The following NEK11 variants were observed in gnomAD, a reference collection of about 807,000 sequenced individuals.
NEK11 encodes the protein NIMA related kinase 11.
Under a neutral mutation model 80.7 loss-of-function variants are expected in NEK11, and 72 were observed. The observed-to-expected ratio is 0.89, with a 90% CI of 0.74 to 1.08. The LOEUF (loss-of-function observed/expected upper bound fraction) is 1.08, where lower values mean the gene tolerates loss of function less well. Ranked by LOEUF, NEK11 falls within the 50% of genes least tolerant of loss-of-function variation. NEK11 has a pLI of 0.00. For missense variants in NEK11, 764 were observed against 763.6 expected (o/e 1.00, Z -0.01); for synonymous variants, 251 against 260.7 (o/e 0.96, Z 0.36).
intron 17 of NEK11, among the ~76,000 whole-genome samples, chr3:131,331,643 G>A (rs1053913511): frequency 6.6e-5 from 10 of 152,230 alleles, no homozygotes; most frequent in African/African-American, 1.2e-4. Context: ...TGCGTGAGCC[G>A]AAGCAGGGCG....
intron 3 of NEK11, among the ~76,000 whole-genome samples, chr3:131,050,178 T>C (rs1367784570): frequency 6.6e-6 from 1 of 152,274 alleles, no homozygotes; most frequent in Admixed American, 6.5e-5. Context: ...TAGTGATCAA[T>C]TATTCATAAT....
intron 3 of NEK11, among the ~76,000 whole-genome samples, chr3:131,052,075 A>G (rs955520024): frequency 6.6e-6 from 1 of 151,292 alleles, no homozygotes; most frequent in African/African-American, 2.4e-5. Flanking sequence ...AAGAATACAG[A>G]GTCTTATTTT....
At chr3:131,058,482 A>G (rs574501694) in intron 3 of NEK11, among the ~76,000 whole-genome samples, 1 of 152,180 alleles carries the variant, frequency 6.6e-6, no homozygotes, top group African/African-American at 2.4e-5. Flanking sequence ...AGAGAGCGAT[A>G]CCAGCCCCAG....
chr3:131,125,070 G>A (rs1167413287), intron 5 of NEK11, among the ~76,000 whole-genome samples: 1 of 152,178 alleles, frequency 6.6e-6, no homozygotes, highest in Non-Finnish European at 1.5e-5. Flanking sequence ...TCTATTCTTA[G>A]AAACATACTT....
At chr3:131,204,841 G>A (rs2094395447) in intron 14 of NEK11, among the ~76,000 whole-genome samples, 1 of 152,242 alleles carries the variant, frequency 6.6e-6, no homozygotes, top group Middle Eastern at 3.4e-3. Context: ...ATTGTTTGCA[G>A]CATGAGGACC....
intron 4 of NEK11, among the ~76,000 whole-genome samples, chr3:131,081,447 G>A (rs1042304207): frequency 6.6e-6 from 1 of 152,132 alleles, no homozygotes; most frequent in Non-Finnish European, 1.5e-5. Flanking sequence ...ATTTTACTGA[G>A]CCCCAAGGGA....
chr3:131,036,436 AG>A (rs1396584229), intron 3 of NEK11, among the ~76,000 whole-genome samples: 2 of 152,234 alleles, frequency 1.3e-5, no homozygotes, highest in Admixed American at 1.3e-4. Flanking sequence ...GAGAACTTCC[AG>A]GTGATTCATA....
In NEK11 at chr3:131,159,030, C is replaced by T. The variant is rs150053682; in HGVS notation, c.963-3378C>T. Among the ~76,000 whole-genome samples the T allele has an allele frequency of 5.1e-3, 775 of 152,338 alleles. 1 individual carries two copies. Among genetic ancestry groups the T allele is most frequent in the Non-Finnish European group, 9.0e-3 (610 of 68,032 alleles). ...CAGCCCAGGAGCTGGGAGCTGAGCA[C>T]TGGCTGCCTAAAATTTTCCAGAAAC... is the stretch of plus-strand genomic sequence containing the variant. On this transcript the variant is annotated intron_variant, in intron 10 of 17. Transcript: ENST00000383366.
chr3:131,203,443 G>A (rs373484930), intron 14 of NEK11, among the ~76,000 whole-genome samples: 144 of 132,148 alleles, frequency 1.1e-3, no homozygotes, highest in Middle Eastern at 4.1e-3. Context: ...GTGAGGGGAG[G>A]GGGGAGGGAT....
intron 2 of NEK11, among the ~76,000 whole-genome samples, chr3:131,029,097 A>C (rs1303321667): frequency 6.6e-6 from 1 of 152,234 alleles, no homozygotes; most frequent in East Asian, 1.9e-4. Flanking sequence ...ATCTGTCCTA[A>C]TAAATACAAA....
At chr3:131,218,785 C>A (rs1462793584) in intron 14 of NEK11, among the ~76,000 whole-genome samples, 1 of 152,120 alleles carries the variant, frequency 6.6e-6, no homozygotes, top group Middle Eastern at 3.2e-3. Flanking sequence ...TTTTGATTTG[C>A]GTTTCTCTAA....
intron 17 of NEK11, among the ~76,000 whole-genome samples, chr3:131,304,799 G>A (rs1228489194): frequency 6.6e-6 from 1 of 152,124 alleles, no homozygotes; most frequent in Non-Finnish European, 1.5e-5. Flanking sequence ...AGTTGGTGCT[G>A]GCCAAAGAGT....
rs193227636 is a variant in NEK11 at position 131,040,094 on chromosome 3, A to G, written c.170+10216A>G. 5.3e-5 allele frequency among the ~76,000 whole-genome samples: 8 copies of G among 152,376 alleles called. No homozygotes were observed. In the East Asian group the frequency reaches 1.5e-3, roughly 29 times the overall value. ...ATGTTATGTAGTATCAAAAATAAGC[A>G]GTTAATATTGTGTGACCTTTATTGC... On this transcript the variant is annotated intron_variant, in intron 3 of 17. Coordinates refer to ENST00000383366, the MANE Select transcript of NEK11 (RefSeq NM_024800.5).
intron 16 of NEK11, among the ~76,000 whole-genome samples, chr3:131,258,638 G>A (rs2095859439): frequency 6.6e-6 from 1 of 152,184 alleles, no homozygotes; most frequent in Non-Finnish European, 1.5e-5. Context: ...TTTACTGGTA[G>A]CTACTGTTCT....
At chr3:131,093,574 G>A (rs1386432280) in intron 4 of NEK11, among the ~76,000 whole-genome samples, 15 of 152,176 alleles carry the variant, frequency 9.9e-5, no homozygotes, top group African/African-American at 2.4e-4. Context: ...GTGCCACCAC[G>A]CTTGGCTAAT....
chr3:131,263,240 A>G (rs994226159), intron 16 of NEK11, among the ~76,000 whole-genome samples: 1 of 151,900 alleles, frequency 6.6e-6, no homozygotes, highest in African/African-American at 2.4e-5. Flanking sequence ...CCTGTGTCCA[A>G]GTGTTCTCAT....
At chr3:131,263,725 T>C (rs1029751026) in intron 16 of NEK11, among the ~76,000 whole-genome samples, 2 of 152,202 alleles carry the variant, frequency 1.3e-5, no homozygotes, top group Admixed American at 1.3e-4. Context: ...TTTGGGTGTA[T>C]ACCTAGTAAT....
intron 3 of NEK11, among the ~76,000 whole-genome samples, chr3:131,062,924 T>C (rs2071166619): frequency 6.6e-6 from 1 of 152,118 alleles, no homozygotes; most frequent in Admixed American, 6.5e-5. Flanking sequence ...GCAAGAGAAA[T>C]GGAAGTAAAG....
intron 17 of NEK11, among the ~76,000 whole-genome samples, chr3:131,316,745 T>G (rs1253036401): frequency 2.0e-5 from 3 of 152,212 alleles, no homozygotes; most frequent in Non-Finnish European, 4.4e-5. Flanking sequence ...TCCAACACTG[T>G]CTGGCTTAGA....
Sources: gnomAD v4.1 joint callset for allele counts (sites outside exome capture counted in the v4.1 genomes callset) on GRCh38, gnomAD v4.1.1 for gene constraint, MANE v1.5 for transcripts, NCBI Gene and HGNC (gene_info 2026-07-23, HGNC 2026-07-21) for gene names.